IGSF1: variants seen among roughly 807,000 people sequenced by gnomAD.
IGSF1 encodes immunoglobulin-like domain-containing protein 1.
Under a neutral mutation model 95.3 loss-of-function variants are expected in IGSF1, and 40 were observed. The ratio of observed to expected loss-of-function variants is 0.42; its 90% CI spans 0.33 to 0.55. IGSF1 has a LOEUF of 0.55. Ranked by LOEUF, IGSF1 falls within the 20% of genes least tolerant of loss-of-function variation. IGSF1 has a pLI of 0.10. For missense variants in IGSF1, 906 were observed against 1,025.4 expected (o/e 0.88, Z 1.59); for synonymous variants, 372 against 382.9 (o/e 0.97, Z 0.33).
At chrX:131,286,794 A>T (rs1419771347) in intron 1 of IGSF1, 53 bp from the exon 2 acceptor site, 1 of 549,368 alleles carries the variant, frequency 1.8e-6, no homozygotes, top group Non-Finnish European at 2.8e-6. Context: ...CTTAAAGTTT[A>T]GTTTAGATGG....
chrX:131,285,841 C>A lies in IGSF1; in HGVS notation c.305G>T (p.Gly102Val), dbSNP rs1381739219. Residue 102 changes from glycine to valine, a missense_variant, in exon 4 of 20, where the codon GGT becomes GTT. By Grantham distance (109) the Gly-to-Val change is moderately radical. Coordinates refer to ENST00000361420, the MANE Select transcript of IGSF1 (RefSeq NM_001555.5). Reference sequence around the variant, plus strand: ...CTTCCAGTAGCAGCACCGGTAAAGACCTGCATTGGACTCAGTAAGGGCACC... The same window carrying A: ...CTTCCAGTAGCAGCACCGGTAAAGAACTGCATTGGACTCAGTAAGGGCACC... ...LIGALTESNA[G>V]LYRCCYWKET... The A allele has an allele frequency of 8.3e-7, 1 of 1,208,925 alleles. No individual in the cohort carries two copies. The highest frequency in any genetic ancestry group is 1.1e-6 in the Non-Finnish European group (1 of 894,420).
rs1003272470 is a variant in IGSF1, at chrX:131,285,966, G to T, written c.180C>A (p.Ser60Arg). The T allele has an allele frequency of 9.9e-6, 12 of 1,208,842 alleles. No individual in the cohort carries two copies. Among genetic ancestry groups the T allele is most frequent in the Non-Finnish European group, 1.2e-5 (11 of 894,336 alleles). ...PWENITLWCR[S>R]PSRISSKFLL... Reference sequence around the variant, plus strand: ...GGAACTTGCTTGATATCCGAGAGGGGCTTCGGCACCAAAGCGTGATGTTCT... The same window carrying T: ...GGAACTTGCTTGATATCCGAGAGGGTCTTCGGCACCAAAGCGTGATGTTCT... The change falls in exon 4 of 20, where the codon AGC becomes AGA. Residue 60 changes from serine to arginine, a missense_variant. Around this residue, in one of 5 missense-constraint regions of IGSF1, gnomAD observed 442 missense variants for 448.1 expected, o/e 0.99. Transcript: ENST00000361420.
rs1234578663 is a variant in IGSF1, at chrX:131,283,134, C to T, written c.798G>A (p.Glu266=). The change falls in exon 6 of 20, where the codon GAG becomes GAA. Residue 266 remains glutamate (E), a synonymous_variant. Transcript: ENST00000361420. ...TFALMRVEDL[E]KSFYHKKTIK... is the part of the protein sequence containing the mutation. ...TTGTCTTCTTGTGGTAAAAGGACTT[C>T]TCCAAGTCTTCAACCCTCATTAGAG... is the stretch of plus-strand genomic sequence containing the variant. 8.3e-7 allele frequency: 1 copy of T among 1,211,250 alleles called. No homozygotes were observed. Among genetic ancestry groups the T allele is most frequent in the Non-Finnish European group, 1.1e-6 (1 of 894,887 alleles).
Position 131,286,026 on chromosome X carries a change from C to A in IGSF1, c.120G>T (p.Leu40Phe). ...TSIVMDPQPE[L>F]WIESNYPQAP... is the part of the protein sequence containing the mutation. ...CCTGGGGGTAGTTGGACTCTATCCA[C>A]AACTCTGGTTGAGGGTCCATCACTG... Residue 40 changes from leucine (L) to phenylalanine (F), a missense_variant, in exon 4 of 20, where the codon TTG becomes TTT. By Grantham distance (22) the Leu-to-Phe change is conservative. Coordinates refer to ENST00000361420, the MANE Select transcript of IGSF1 (RefSeq NM_001555.5). 8.3e-7 allele frequency: 1 copy of A among 1,204,770 alleles called. No individual in the cohort carries two copies. The highest frequency in any genetic ancestry group is 1.1e-6 in the Non-Finnish European group (1 of 891,581).
rs911887299 is a variant in IGSF1 at position 131,273,720 on chromosome X, C to T, written c.*76G>A. 9.8e-6 allele frequency: 10 copies of T among 1,021,844 alleles called. No individual in the cohort carries two copies. In the Admixed American group the frequency reaches 2.1e-4, roughly 21 times the overall value. 84.2% of individuals were successfully genotyped at this position (1,021,844 alleles called of 1,213,427 possible). On this transcript the variant is annotated 3_prime_UTR_variant, in exon 20 of 20. Transcript: ENST00000361420. The stretch of plus-strand genomic sequence containing the variant: ...AGGAACAGCAGATGGGGCTGACTTG[C>T]AGGGTAACTGGTTGGATTTATAGGT...
chrX:131,285,876 T>C lies in IGSF1; in HGVS notation c.270A>G (p.Ser90=), dbSNP rs764989031. 8 of 1,209,348 alleles carry C rather than the reference T, an allele frequency of 6.6e-6. No individual in the cohort carries two copies. The East Asian group carries it at 2.1e-4, about 31-fold the overall frequency. ...ACTCAGTAAGGGCACCTATAAGGAATGAAACTTGGAAGGTCTTGTGGGAAG... is the reference window on the plus strand; with the variant it reads ...ACTCAGTAAGGGCACCTATAAGGAACGAAACTTGGAAGGTCTTGTGGGAAG... ...IRPSHKTFQV[S]FLIGALTESN... Residue 90 remains serine (S), a synonymous_variant, in exon 4 of 20, where the codon TCA becomes TCG. Transcript: ENST00000361420.
At chrX:131,279,441 A>C in intron 9 of IGSF1, 100 bp from the exon 10 acceptor site, 1 of 645,221 alleles carries the variant, frequency 1.5e-6, no homozygotes, top group Non-Finnish European at 2.6e-6. Flanking sequence ...TCGCTACCCA[A>C]TGGGGACTGG....
intron 1 of IGSF1, among the ~76,000 whole-genome samples, chrX:131,287,056 C>CAT (rs56903466): frequency 3.9e-5 from 4 of 101,426 alleles, no homozygotes; most frequent in East Asian, 3.1e-4. Context: ...TTCAGATATG[C>CAT]ATATATATAT....
chrX:131,274,722 C>A lies in IGSF1; in HGVS notation c.3628G>T (p.Asp1210Tyr). 2 of 1,211,661 alleles carry A rather than the reference C, an allele frequency of 1.7e-6. No individual in the cohort carries two copies. The change falls in exon 18 of 20, where the codon GAC (aspartate) becomes TAC (tyrosine). Residue 1210 changes from aspartate (D) to tyrosine (Y), a missense_variant. By Grantham distance (160) the Asp-to-Tyr change is radical (BLOSUM62 -3). This residue lies in a region of IGSF1 where 411 missense variants were observed against 494.9 expected (regional missense o/e 0.83). Coordinates refer to ENST00000361420, the MANE Select transcript of IGSF1 (RefSeq NM_001555.5). ...CCTTCTACGTTGTTGATGACAAAGT[C>A]TCCATCCTCTGAAAACTGCTGAGGT... ...EAPQQFSEDGDFVINNVEGKG... is the reference protein window; with the variant it reads ...EAPQQFSEDGYFVINNVEGKG...
chrX:131,274,558 A>C (rs1049168036), intron 18 of IGSF1, 41 bp downstream of exon 18: 22 of 1,162,540 alleles, frequency 1.9e-5, no homozygotes, highest in Non-Finnish European at 2.4e-5. Context: ...CTGGGATCCC[A>C]GGTGTGTCAC....
Position 131,281,209 on chromosome X carries a change from G to C in IGSF1, c.1646+9C>G, listed in dbSNP as rs1281605413. ...GTTGGGGAACAGGGGGCTGGGACAA[G>C]ACAGTTACCTGATTCTGAGTCTCCG... On this transcript the variant is annotated intron_variant, in intron 9 of 19. Transcript: ENST00000361420. 5.8e-6 allele frequency: 7 copies of C among 1,210,113 alleles called. No homozygotes were observed. In the South Asian group the frequency reaches 1.1e-4, roughly 18 times the overall value.
rs200127298 is a variant in IGSF1 at position 131,274,811 on chromosome X, G to C, written c.3539C>G (p.Thr1180Ser). The C allele has an allele frequency of 8.3e-7, 1 of 1,209,525 alleles. No homozygotes were observed. Among genetic ancestry groups the C allele is most frequent in the African/African-American group, 1.7e-5 (1 of 57,224 alleles). Residue 1180 changes from threonine (T) to serine (S), a missense_variant, in exon 18 of 20, where the codon ACC (threonine) becomes AGC (serine). By Grantham distance (58) the Thr-to-Ser change is moderately conservative. Coordinates refer to ENST00000361420, the MANE Select transcript of IGSF1 (RefSeq NM_001555.5). The stretch of plus-strand genomic sequence containing the variant: ...TGGCAGGGGTCCTCGGCACTGAAGG[G>C]TGATGTCCTTCCCTAACTTGAACAT... Reference protein sequence around the residue: ...STMFKLGKDITLQCRGPLPGV... With the variant: ...STMFKLGKDISLQCRGPLPGV...
intron 1 of IGSF1, 21 bp downstream of exon 1, chrX:131,289,193 C>A (rs760413118): frequency 8.0e-6 from 3 of 373,675 alleles, no homozygotes; most frequent in African/African-American, 5.1e-5. Context: ...CTGAACTATG[C>A]GCTCATTTGT....
At position 131,285,585 on chromosome X, in the gene IGSF1, CCTT is replaced by C. The variant is rs1050816797; in HGVS notation, c.380-122_380-120del. 3.7e-5 allele frequency: 32 copies of C among 867,564 alleles called. No homozygotes were observed. The Admixed American group carries it at 3.8e-4, about 10-fold the overall frequency. The allele number at this position is 867,564 out of a possible 1,213,427, so 71.5% of individuals were successfully genotyped here. A position where few individuals can be genotyped will look rare whatever the true frequency, so the allele number is the denominator to read the frequency against. On this transcript the variant is annotated intron_variant, in intron 4 of 19. Transcript: ENST00000361420. ...TGTATGATCCTTGTTTGCCACCCCT[CCTT>C]CTCCTATCTCTGCTCCAGAGTCTGC... is the stretch of plus-strand genomic sequence containing the variant.
rs1215390600 is a variant in IGSF1 at position 131,285,203 on chromosome X, T to G, written c.643A>C (p.Asn215His). Residue 215 changes from asparagine to histidine, a missense_variant, in exon 5 of 20, where the codon AAC (asparagine) becomes CAC (histidine). By Grantham distance (68) the Asn-to-His change is moderately conservative. Transcript: ENST00000361420. ...MLPTLWSEPS[N>H]PLKLVVAGLY... is the part of the protein sequence containing the mutation. ...CCTGCTACAACCAGCTTCAGGGGGT[T>G]GCTGGGCTCTGACCACAGGGTGGGG... 1 of 1,197,258 alleles carries G rather than the reference T, an allele frequency of 8.4e-7. No individual in the cohort carries two copies. The highest frequency in any genetic ancestry group is 1.1e-6 in the Non-Finnish European group (1 of 887,250).
intron 1 of IGSF1, among the ~76,000 whole-genome samples, chrX:131,287,893 G>A (rs1039167050): frequency 9.0e-6 from 1 of 111,701 alleles, no homozygotes; most frequent in Non-Finnish European, 1.9e-5. Flanking sequence ...GCTGACTCCA[G>A]CTGTTATTAA....
chrX:131,286,655 C>T lies in IGSF1; in HGVS notation c.20G>A (p.Gly7Glu). The change falls in exon 2 of 20, where the codon GGG becomes GAG. Residue 7 changes from glycine to glutamate, a missense_variant. Coordinates refer to ENST00000361420, the MANE Select transcript of IGSF1 (RefSeq NM_001555.5). Reference sequence around the variant, plus strand: ...TGTCTTCAGCATGGTGGCCCCCTCCCCTGGTCTGTCCAGGGTCATGGGGCC... The same window carrying T: ...TGTCTTCAGCATGGTGGCCCCCTCCTCTGGTCTGTCCAGGGTCATGGGGCC... MTLDRP[G>E]EGATMLKTFT... 1 of 1,198,385 alleles carries T rather than the reference C, an allele frequency of 8.3e-7. No homozygotes were observed. The highest frequency in any genetic ancestry group is 1.1e-6 in the Non-Finnish European group (1 of 890,934).
chrX:131,279,343 T>C lies in IGSF1; in HGVS notation c.1647-2A>G. On this transcript the variant is annotated splice_acceptor_variant, in intron 9 of 19. Coordinates refer to ENST00000361420, the MANE Select transcript of IGSF1 (RefSeq NM_001555.5). LOFTEE classifies it high-confidence loss of function. ...GCTGTTCCCAGCAACCAGGCTTCTC[T>C]AGTGAGACCAGAAAAGAGATGAGAG... 8.3e-7 allele frequency: 1 copy of C among 1,203,621 alleles called. No homozygotes were observed.
At chrX:131,275,933 C>T in intron 15 of IGSF1, 28 bp downstream of exon 15, 1 of 1,200,011 alleles carries the variant, frequency 8.3e-7, no homozygotes. Flanking sequence ...TGATCTCCAT[C>T]CCAGTCCCAT....
Sources: allele counts gnomAD v4.1 joint callset (sites outside exome capture counted in the v4.1 genomes callset), GRCh38; gene constraint gnomAD v4.1.1; regional missense constraint gnomAD v4.1.1; transcripts MANE v1.5; gene names NCBI Gene and HGNC (gene_info 2026-07-23, HGNC 2026-07-21).